Variants in MAGI2 observed in about 807,000 individuals in gnomAD.
The protein encoded by MAGI2 is membrane associated guanylate kinase, WW and PDZ domain containing 2, also known as membrane-associated guanylate kinase, WW and PDZ domain-containing protein 2.
MAGI2 carries 35 observed loss-of-function variants against 133.3 expected under a neutral mutation model. That is an observed-to-expected ratio of 0.26 (90% CI 0.20 to 0.35). The LOEUF (loss-of-function observed/expected upper bound fraction) is 0.35, where lower values mean the gene tolerates loss of function less well. Among genes scored for constraint, MAGI2 ranks in the 10% least tolerant of loss-of-function variants. The pLI is 1.00. For missense variants in MAGI2, 1,636 were observed against 1,863.4 expected (o/e 0.88, Z 2.25); for synonymous variants, 729 against 710.6 (o/e 1.03, Z -0.41).
chr7:78,969,465 T>C (rs939265595), intron 2 of MAGI2, among the ~76,000 whole-genome samples: 2 of 152,108 alleles, frequency 1.3e-5, no homozygotes, highest in African/African-American at 2.4e-5. Flanking sequence ...GTGTCATTAA[T>C]GATCTTGGCG....
intron 21 of MAGI2, chr7:78,078,582 T>A (rs1815608193): frequency 2.9e-6 from 1 of 344,856 alleles, no homozygotes; most frequent in Non-Finnish European, 5.2e-6. Flanking sequence ...AAATAATTGA[T>A]AAATTACTGT....
intron 7 of MAGI2, 102 bp downstream of exon 7, chr7:78,369,054 G>C: frequency 1.4e-6 from 1 of 736,600 alleles, no homozygotes. Context: ...TAAGATGAAA[G>C]GGAAATGAAG....
intron 15 of MAGI2, 146 bp from the exon 16 acceptor site, chr7:78,160,419 T>A: frequency 1.1e-6 from 1 of 930,906 alleles, no homozygotes; most frequent in Non-Finnish European, 1.5e-6. Context: ...GCAGAGCATT[T>A]GAAAAGCTAC....
intron 21 of MAGI2, among the ~76,000 whole-genome samples, chr7:78,049,708 A>T (rs1563053520): frequency 6.6e-6 from 1 of 152,236 alleles, no homozygotes; most frequent in Non-Finnish European, 1.5e-5. Flanking sequence ...AAAACCCATC[A>T]GTTCCAAGAA....
chr7:78,383,116 A>G (rs1795077451), intron 6 of MAGI2, among the ~76,000 whole-genome samples: 2 of 152,038 alleles, frequency 1.3e-5, no homozygotes, highest in Admixed American at 1.3e-4. Flanking sequence ...TTTTGCTTTG[A>G]GTAGATATCC....
Position 78,573,074 on chromosome 7 carries a change from TATAC to T in MAGI2, c.539-51433_539-51430del, listed in dbSNP as rs1392116954. On this transcript the variant is annotated intron_variant, in intron 3 of 21. Coordinates refer to ENST00000354212, the MANE Select transcript of MAGI2 (RefSeq NM_012301.4). ...ATATATATATATATATATATATATA[TATAC>T]ACACACACACACACACGGAGAGATA... Among the ~76,000 whole-genome samples the T allele has an allele frequency of 1.3e-3, 97 of 75,416 alleles. 1 individual carries two copies. The East Asian group carries it at 0.016, about 13-fold the overall frequency. 49.5% of individuals were successfully genotyped at this position (75,416 alleles called of 152,430 possible).
chr7:79,091,830 T>C (rs991177531), intron 1 of MAGI2, among the ~76,000 whole-genome samples: 1 of 151,990 alleles, frequency 6.6e-6, no homozygotes, highest in African/African-American at 2.4e-5. Context: ...TTACGTAATT[T>C]TTTATGTCAC....
chr7:78,472,975 T>C (rs1791379778), intron 6 of MAGI2, among the ~76,000 whole-genome samples: 1 of 152,142 alleles, frequency 6.6e-6, no homozygotes, highest in African/African-American at 2.4e-5. Context: ...AGGATTCTAA[T>C]TGCAGTTCTA....
At chr7:78,835,828 G>A (rs1791574797) in intron 2 of MAGI2, among the ~76,000 whole-genome samples, 1 of 152,148 alleles carries the variant, frequency 6.6e-6, no homozygotes, top group Non-Finnish European at 1.5e-5. Flanking sequence ...GAAGACAAAC[G>A]TTGGTCTGAG....
At chr7:78,208,947 G>A (rs560074934) in intron 10 of MAGI2, among the ~76,000 whole-genome samples, 3 of 151,922 alleles carry the variant, frequency 2.0e-5, no homozygotes, top group South Asian at 4.2e-4. Flanking sequence ...ACCTGGCCGG[G>A]CGCGGTGGCT....
At chr7:78,999,913 A>C (rs2116443485) in intron 2 of MAGI2, among the ~76,000 whole-genome samples, 1 of 152,348 alleles carries the variant, frequency 6.6e-6, no homozygotes, top group East Asian at 1.9e-4. Flanking sequence ...TCAAAGAACA[A>C]AAATCTGGCA....
intron 21 of MAGI2, among the ~76,000 whole-genome samples, chr7:78,046,421 A>C (rs904739529): frequency 8.7e-5 from 13 of 149,526 alleles, no homozygotes; most frequent in Admixed American, 2.7e-4. Context: ...CAAAAAAAAA[A>C]CAAAGGAATG....
At chr7:78,851,248 T>G (rs1793108272) in intron 2 of MAGI2, among the ~76,000 whole-genome samples, 1 of 127,004 alleles carries the variant, frequency 7.9e-6, no homozygotes, top group Non-Finnish European at 1.7e-5. Flanking sequence ...TTCTCATTGT[T>G]AGTCCATTTA....
chr7:79,017,589 TG>T (rs1772697106), intron 1 of MAGI2, among the ~76,000 whole-genome samples: 1 of 152,166 alleles, frequency 6.6e-6, no homozygotes, highest in Admixed American at 6.5e-5. Flanking sequence ...TAGGCTGAGA[TG>T]GCTGAAATGA....
At chr7:78,866,414 A>G (rs970492739) in intron 2 of MAGI2, among the ~76,000 whole-genome samples, 1 of 151,974 alleles carries the variant, frequency 6.6e-6, no homozygotes, top group African/African-American at 2.4e-5. Context: ...AAATATGGGC[A>G]TAGATATTTA....
chr7:78,469,652 C>G (rs972720083), intron 6 of MAGI2, among the ~76,000 whole-genome samples: 2 of 152,108 alleles, frequency 1.3e-5, no homozygotes, highest in Non-Finnish European at 2.9e-5. Context: ...TAGAGGCAGA[C>G]TACCTTGAAT....
At chr7:78,464,168 A>C (rs1184201491) in intron 6 of MAGI2, among the ~76,000 whole-genome samples, 1 of 152,142 alleles carries the variant, frequency 6.6e-6, no homozygotes, top group Non-Finnish European at 1.5e-5. Context: ...AGCATTTCTA[A>C]AAAGGATATT....
At chr7:79,434,936 G>T (rs1249399435) in intron 1 of MAGI2, among the ~76,000 whole-genome samples, 1 of 152,176 alleles carries the variant, frequency 6.6e-6, no homozygotes, top group East Asian at 1.9e-4. Context: ...CTTCAAAAAA[G>T]GGAGACTTCC....
At chr7:78,525,929 T>G (rs374238447) in intron 3 of MAGI2, among the ~76,000 whole-genome samples, 20 of 152,340 alleles carry the variant, frequency 1.3e-4, no homozygotes, top group African/African-American at 4.8e-4. Context: ...TGCTGTTATA[T>G]AGATTAATGA....
Sources: gnomAD v4.1 joint callset for allele counts (sites outside exome capture counted in the v4.1 genomes callset) on GRCh38, gnomAD v4.1.1 for gene constraint, MANE v1.5 for transcripts, NCBI Gene and HGNC (gene_info 2026-07-23, HGNC 2026-07-21) for gene names.